The following TENM1 variants were observed in gnomAD, a reference collection of about 807,000 sequenced individuals.
TENM1 encodes teneurin-1.
TENM1 carries 35 observed loss-of-function variants against 174.8 expected under a neutral mutation model. The ratio of observed to expected loss-of-function variants is 0.20; its 90% CI spans 0.15 to 0.27. The LOEUF (loss-of-function observed/expected upper bound fraction) is 0.27. Ranked by LOEUF, TENM1 falls within the 10% of genes least tolerant of loss-of-function variation. The pLI is 1.00. For synonymous variants in TENM1, 781 were observed against 798.7 expected (o/e 0.98, Z 0.37); for missense variants, 1,633 against 2,130.1 (o/e 0.77, Z 4.59).
the TENM1 span, among the ~76,000 whole-genome samples, chrX:125,139,874 A>ACG: frequency 1.8e-5 from 2 of 108,604 alleles, no homozygotes; most frequent in Non-Finnish European, 3.8e-5. Context: ...AGAGAGAGAG[A>ACG]GAGAGAGAGA....
At chrX:124,798,261 T>C (rs1198366904) in intron 3 of TENM1, among the ~76,000 whole-genome samples, 1 of 111,401 alleles carries the variant, frequency 9.0e-6, no homozygotes, top group African/African-American at 3.3e-5. Context: ...CTTGAGGAAT[T>C]GCCACCCTGT....
intron 3 of TENM1, among the ~76,000 whole-genome samples, chrX:124,795,906 T>C (rs1374366238): frequency 9.0e-6 from 1 of 111,170 alleles, no homozygotes; most frequent in Non-Finnish European, 1.9e-5. Context: ...TTCAGAATTG[T>C]AACTTGATTA....
At chrX:125,069,140 A>G in the TENM1 span, among the ~76,000 whole-genome samples, 1 of 111,622 alleles carries the variant, frequency 9.0e-6, no homozygotes, top group African/African-American at 3.3e-5. Context: ...CAATTTCTTT[A>G]ACACTCACCG....
intron 23 of TENM1, among the ~76,000 whole-genome samples, chrX:124,448,286 CCCAAAAGCATT>C (rs201348037): frequency 0.05 from 5,597 of 111,421 alleles, 183 homozygotes; most frequent in Non-Finnish European, 0.073. Flanking sequence ...AGCTGAACAT[CCCAAAAGCATT>C]GGAAAACAGC....
chrX:124,778,740 C>A (rs2054840254), intron 3 of TENM1, among the ~76,000 whole-genome samples: 1 of 111,856 alleles, frequency 8.9e-6, no homozygotes, highest in Non-Finnish European at 1.9e-5. Context: ...TCGTAGATAG[C>A]ACCTAATCTG....
At chrX:124,597,103 A>C (rs2049912404) in intron 11 of TENM1, among the ~76,000 whole-genome samples, 1 of 111,659 alleles carries the variant, frequency 9.0e-6, no homozygotes, top group South Asian at 3.8e-4. Context: ...ACCCTATGGA[A>C]AACAGTGTGT....
chrX:125,122,590 A>T, the TENM1 span, among the ~76,000 whole-genome samples: 2 of 111,902 alleles, frequency 1.8e-5, no homozygotes, highest in African/African-American at 6.5e-5. Context: ...TTCAATAACA[A>T]CTTGATACCT....
chrX:125,076,010 G>A, the TENM1 span, among the ~76,000 whole-genome samples: 1 of 111,482 alleles, frequency 9.0e-6, no homozygotes, highest in Admixed American at 9.6e-5. Context: ...TATTTCCTTT[G>A]ACTTCTTCCT....
chrX:125,036,418 G>C, the TENM1 span, among the ~76,000 whole-genome samples: 3 of 111,793 alleles, frequency 2.7e-5, no homozygotes, highest in African/African-American at 9.7e-5. Context: ...GTGAGTTAAA[G>C]TGTCAAAATG....
the TENM1 span, among the ~76,000 whole-genome samples, chrX:125,067,005 A>G: frequency 4.5e-5 from 5 of 111,532 alleles, no homozygotes; most frequent in South Asian, 1.9e-3. Flanking sequence ...TGTGGCCAAA[A>G]TGCAATGCTT....
chrX:124,665,547 G>GT (rs892400307), intron 6 of TENM1, among the ~76,000 whole-genome samples: 1 of 112,463 alleles, frequency 8.9e-6, no homozygotes, highest in Non-Finnish European at 1.9e-5. Context: ...GGCAAATGTG[G>GT]TTTTACAAAC....
At chrX:124,629,824 C>T (rs1457665815) in intron 11 of TENM1, among the ~76,000 whole-genome samples, 2 of 112,181 alleles carry the variant, frequency 1.8e-5, no homozygotes, top group Non-Finnish European at 3.8e-5. Flanking sequence ...TCATTGCCAA[C>T]TTTCTAGAGA....
intron 1 of TENM1, among the ~76,000 whole-genome samples, chrX:124,952,196 C>T (rs147645215): frequency 0.015 from 1,614 of 111,105 alleles, 37 homozygotes; most frequent in African/African-American, 0.049. Context: ...TTAGTTGCTG[C>T]TCCATATAAC....
At chrX:124,955,146 T>C (rs189531598) in intron 1 of TENM1, among the ~76,000 whole-genome samples, 7 of 112,079 alleles carry the variant, frequency 6.2e-5, no homozygotes, top group South Asian at 3.7e-4. Context: ...CAAATCCTTG[T>C]GAGTTGGCAT....
At chrX:124,842,112 T>A (rs1376629242) in intron 3 of TENM1, among the ~76,000 whole-genome samples, 1 of 111,723 alleles carries the variant, frequency 9.0e-6, no homozygotes, top group Admixed American at 9.5e-5. Flanking sequence ...GTTTTCTATG[T>A]CTCTTCTGGT....
chrX:124,713,423 C>G (rs2053108035), intron 4 of TENM1, among the ~76,000 whole-genome samples: 2 of 111,137 alleles, frequency 1.8e-5, no homozygotes, highest in South Asian at 7.8e-4. Context: ...CATGTGGCAC[C>G]ATGCCCGGCT....
intron 3 of TENM1, among the ~76,000 whole-genome samples, chrX:124,786,449 C>T: frequency 8.9e-6 from 1 of 111,906 alleles, no homozygotes; most frequent in Non-Finnish European, 1.9e-5. Context: ...CACCTACTCA[C>T]ACGAATTTAG....
the TENM1 span, among the ~76,000 whole-genome samples, chrX:125,094,841 A>G: frequency 8.9e-6 from 1 of 112,171 alleles, no homozygotes; most frequent in Non-Finnish European, 1.9e-5. Flanking sequence ...ACCTTGTGCA[A>G]ATTAAAGTCT....
At chrX:125,063,801 C>T in the TENM1 span, among the ~76,000 whole-genome samples, 1 of 111,273 alleles carries the variant, frequency 9.0e-6, no homozygotes, top group South Asian at 3.8e-4. Context: ...CCAGCCATCC[C>T]ATTACTAGGT....
Sources: allele counts gnomAD v4.1 joint callset (sites outside exome capture counted in the v4.1 genomes callset), GRCh38; gene constraint gnomAD v4.1.1; transcripts MANE v1.5; gene names NCBI Gene and HGNC (gene_info 2026-07-23, HGNC 2026-07-21).